Variants in C1QTNF3 observed in about 807,000 individuals in gnomAD.
C1QTNF3 encodes C1q and TNF related 3.
A neutral mutation model predicts 32.6 loss-of-function variants in C1QTNF3; 26 were observed. The ratio of observed to expected loss-of-function variants is 0.80; its 90% CI spans 0.58 to 1.11. The LOEUF (loss-of-function observed/expected upper bound fraction) is 1.11. C1QTNF3 is among the 50% of genes least tolerant of loss of function. The pLI is 0.00. For synonymous variants in C1QTNF3, 155 were observed against 146.0 expected (o/e 1.06, Z -0.44); for missense variants, 362 against 398.2 (o/e 0.91, Z 0.77).
the C1QTNF3 span, among the ~76,000 whole-genome samples, chr5:34,115,730 CAAAA>C: frequency 3.5e-5 from 3 of 84,982 alleles, no homozygotes. Flanking sequence ...GACTCTGTGT[CAAAA>C]AAAAAAAAAA....
chr5:34,143,435 T>C, the C1QTNF3 span, among the ~76,000 whole-genome samples: 1 of 152,212 alleles, frequency 6.6e-6, no homozygotes, highest in Non-Finnish European at 1.5e-5. Context: ...GAGAGCATTC[T>C]GGCCAGATGC....
the C1QTNF3 span, among the ~76,000 whole-genome samples, chr5:34,056,615 T>C: frequency 6.7e-6 from 1 of 150,076 alleles, no homozygotes; most frequent in South Asian, 2.2e-4. Context: ...CGGGCTCAAG[T>C]GATCCTCCGA....
the C1QTNF3 span, among the ~76,000 whole-genome samples, chr5:34,221,484 C>T: frequency 2.0e-5 from 3 of 152,044 alleles, no homozygotes; most frequent in African/African-American, 4.8e-5. Context: ...AAAGCCATAA[C>T]GAGTGACACA....
At chr5:34,056,686 C>A in the C1QTNF3 span, among the ~76,000 whole-genome samples, 5 of 151,626 alleles carry the variant, frequency 3.3e-5, no homozygotes, top group South Asian at 4.2e-4. Flanking sequence ...CTAATTTTTT[C>A]TTTTGGTAAA....
At chr5:34,208,984 T>C in the C1QTNF3 span, among the ~76,000 whole-genome samples, 1 of 152,212 alleles carries the variant, frequency 6.6e-6, no homozygotes, top group African/African-American at 2.4e-5. Context: ...TAGTTTTTAC[T>C]GCTGTAGGTA....
At chr5:34,118,785 C>T in the C1QTNF3 span, among the ~76,000 whole-genome samples, 2 of 152,172 alleles carry the variant, frequency 1.3e-5, no homozygotes, top group East Asian at 3.9e-4. Context: ...TCCTATTGTA[C>T]TGTGTTGAGC....
chr5:34,033,318 G>C lies in C1QTNF3; in HGVS notation c.556C>G (p.Pro186Ala). Residue 186 changes from proline (P) to alanine (A), a missense_variant, in exon 3 of 6, where the codon CCA becomes GCA. Coordinates refer to ENST00000382065, the MANE Select transcript of C1QTNF3 (RefSeq NM_181435.6). ...PKGEKGYPGI[P>A]PELQIAFMAS... The stretch of plus-strand genomic sequence containing the variant: ...GGATGGTTTACCTGAAGTTCTGGTG[G>C]AATCCCCGGGTAGCCCTTCTCTCCT... 6.2e-7 allele frequency: 1 copy of C among 1,613,638 alleles called. No homozygotes were observed. Among genetic ancestry groups the C allele is most frequent in the Non-Finnish European group, 8.5e-7 (1 of 1,179,818 alleles).
the C1QTNF3 span, among the ~76,000 whole-genome samples, chr5:34,170,085 C>CA: frequency 6.6e-6 from 1 of 152,122 alleles, no homozygotes; most frequent in African/African-American, 2.4e-5. Flanking sequence ...TATATACACA[C>CA]AATAGAATAT....
At chr5:34,104,507 C>A in the C1QTNF3 span, among the ~76,000 whole-genome samples, 973 of 22,910 alleles carry the variant, frequency 0.042, 30 homozygotes, top group Middle Eastern at 0.11. Flanking sequence ...TATACCATGA[C>A]ATATCTTAAC....
the C1QTNF3 span, among the ~76,000 whole-genome samples, chr5:34,058,144 C>T: frequency 1.4e-4 from 21 of 152,230 alleles, no homozygotes; most frequent in South Asian, 6.2e-4. Flanking sequence ...TTCTGGGATG[C>T]TTCAATAAGA....
At chr5:34,049,349 C>A in the C1QTNF3 span, among the ~76,000 whole-genome samples, 1 of 152,136 alleles carries the variant, frequency 6.6e-6, no homozygotes, top group Non-Finnish European at 1.5e-5. Flanking sequence ...CCCTTGGTTC[C>A]CCTAGCCTTA....
At chr5:34,056,444 G>GTA in the C1QTNF3 span, among the ~76,000 whole-genome samples, 2 of 40,240 alleles carry the variant, frequency 5.0e-5, no homozygotes, top group African/African-American at 9.5e-5. Context: ...GTGTGTGTGT[G>GTA]TGTGTGTGTG....
At chr5:34,238,412 A>G in the C1QTNF3 span, among the ~76,000 whole-genome samples, 1 of 152,226 alleles carries the variant, frequency 6.6e-6, no homozygotes, top group African/African-American at 2.4e-5. Flanking sequence ...GTGCTGAAAG[A>G]TGAAACTGCC....
the C1QTNF3 span, among the ~76,000 whole-genome samples, chr5:34,051,869 C>T: frequency 9.8e-5 from 15 of 152,368 alleles, no homozygotes; most frequent in East Asian, 3.9e-4. Flanking sequence ...TCTTCCTCTC[C>T]TCCTTCACTT....
chr5:34,232,830 T>C, the C1QTNF3 span, among the ~76,000 whole-genome samples: 2 of 152,292 alleles, frequency 1.3e-5, no homozygotes, highest in African/African-American at 4.8e-5. Context: ...AGAATACTTG[T>C]GATTTTGAGA....
chr5:34,178,218 T>C, the C1QTNF3 span, among the ~76,000 whole-genome samples: 2 of 149,206 alleles, frequency 1.3e-5, no homozygotes, highest in Non-Finnish European at 3.0e-5. Flanking sequence ...GAGGCGGAGG[T>C]AGCAGTGAGT....
intron 1 of C1QTNF3, among the ~76,000 whole-genome samples, chr5:34,040,295 G>T (rs1434752548): frequency 6.6e-6 from 1 of 152,106 alleles, no homozygotes; most frequent in Admixed American, 6.5e-5. Context: ...CATCAATTTT[G>T]CAGATGGAGG....
chr5:34,046,464 A>G (rs999732897), upstream of C1QTNF3, among the ~76,000 whole-genome samples: 1 of 152,246 alleles, frequency 6.6e-6, no homozygotes, highest in Admixed American at 6.5e-5. Flanking sequence ...TGCACACAGG[A>G]GAACACTATG....
the C1QTNF3 span, among the ~76,000 whole-genome samples, chr5:34,072,328 G>A: frequency 7.3e-6 from 1 of 136,102 alleles, no homozygotes; most frequent in Non-Finnish European, 1.6e-5. Flanking sequence ...AGAGTTCCTT[G>A]CAAAAAAATA....
Sources: gnomAD v4.1 joint callset for allele counts (sites outside exome capture counted in the v4.1 genomes callset) on GRCh38, gnomAD v4.1.1 for gene constraint, MANE v1.5 for transcripts, NCBI Gene and HGNC (gene_info 2026-07-23, HGNC 2026-07-21) for gene names.